The following RORA variants were observed in gnomAD, a reference collection of about 807,000 sequenced individuals.
The protein encoded by RORA is RAR related orphan receptor A, also known as nuclear receptor ROR-alpha.
A neutral mutation model predicts 69.5 loss-of-function variants in RORA; 7 were observed. The observed-to-expected ratio is 0.10, with a 90% CI of 0.06 to 0.19. The LOEUF (loss-of-function observed/expected upper bound fraction) is 0.19. Ranked by LOEUF, RORA falls within the 10% of genes least tolerant of loss-of-function variation. RORA has a pLI of 1.00. For missense variants in RORA, 457 were observed against 663.0 expected (o/e 0.69, Z 3.41); for synonymous variants, 261 against 240.8 (o/e 1.08, Z -0.78).
At chr15:60,678,288 CA>C (rs1201627114) in intron 2 of RORA, 1 of 166,498 alleles carries the variant, frequency 6.0e-6, no homozygotes, top group African/African-American at 2.4e-5. Context: ...AAAAGGAGAC[CA>C]AAGCTTAAAA....
intron 1 of RORA, among the ~76,000 whole-genome samples, chr15:60,938,794 T>C (rs1307815409): frequency 6.6e-6 from 1 of 152,214 alleles, no homozygotes; most frequent in Non-Finnish European, 1.5e-5. Context: ...TTTAGAACAT[T>C]AATACAAATC....
At chr15:60,589,328 CCGGA>C (rs1349267516) in intron 2 of RORA, among the ~76,000 whole-genome samples, 1 of 152,190 alleles carries the variant, frequency 6.6e-6, no homozygotes, top group Non-Finnish European at 1.5e-5. Context: ...ATGAATCAGG[CCGGA>C]CGAAGAATCT....
chr15:60,683,167 T>C (rs963953518), intron 1 of RORA, among the ~76,000 whole-genome samples: 5 of 152,122 alleles, frequency 3.3e-5, no homozygotes, highest in African/African-American at 1.2e-4. Flanking sequence ...TGTGGCACCA[T>C]GCCCAGAGAA....
At chr15:60,689,119 A>G (rs1444757700) in intron 1 of RORA, among the ~76,000 whole-genome samples, 5 of 152,238 alleles carry the variant, frequency 3.3e-5, no homozygotes, top group Non-Finnish European at 5.9e-5. Flanking sequence ...GAGGCAAGCT[A>G]CTTAGCTTGA....
intron 2 of RORA, among the ~76,000 whole-genome samples, chr15:60,590,170 CCTCTAT>C (rs377230278): frequency 0.021 from 2,132 of 101,564 alleles, 52 homozygotes; most frequent in African/African-American, 0.1. Flanking sequence ...TCTCCCTCTT[CCTCTAT>C]CTCTCTCTCT....
chr15:61,033,118 G>A (rs928023590), intron 1 of RORA, among the ~76,000 whole-genome samples: 9 of 152,228 alleles, frequency 5.9e-5, no homozygotes, highest in East Asian at 5.8e-4. Flanking sequence ...AAAAGTCCAC[G>A]CTCTCTTGGC....
At chr15:60,509,776 T>G (rs993940510) in intron 5 of RORA, among the ~76,000 whole-genome samples, 1 of 136,244 alleles carries the variant, frequency 7.3e-6, no homozygotes, top group African/African-American at 2.6e-5. Context: ...AAATGGAAGG[T>G]TTTTGTTCTA....
At chr15:60,656,207 C>G (rs1181884372) in intron 2 of RORA, among the ~76,000 whole-genome samples, 1 of 152,176 alleles carries the variant, frequency 6.6e-6, no homozygotes, top group African/African-American at 2.4e-5. Flanking sequence ...TTCGCAGATA[C>G]GGAAACCAGG....
chr15:61,178,220 G>C (rs2079649457), intron 1 of RORA, among the ~76,000 whole-genome samples: 1 of 152,078 alleles, frequency 6.6e-6, no homozygotes, highest in South Asian at 2.1e-4. Context: ...TTATTACTTT[G>C]AAAGCTAGCT....
intron 1 of RORA, among the ~76,000 whole-genome samples, chr15:60,808,060 CAAAGAT>C (rs1595730515): frequency 6.6e-6 from 1 of 152,092 alleles, no homozygotes. Context: ...GCAACAAAAA[CAAAGAT>C]AAATAGACGG....
chr15:60,830,591 T>C (rs1336192035), intron 1 of RORA, among the ~76,000 whole-genome samples: 2 of 152,248 alleles, frequency 1.3e-5, no homozygotes, highest in Non-Finnish European at 2.9e-5. Context: ...TGTAACTGTC[T>C]TAGTGGCTGA....
intron 1 of RORA, among the ~76,000 whole-genome samples, chr15:61,207,903 G>GAA (rs2079956398): frequency 1.3e-5 from 2 of 152,204 alleles, no homozygotes; most frequent in South Asian, 4.1e-4. Flanking sequence ...ACATAGCAAG[G>GAA]AAAAGTACCT....
At chr15:60,869,705 G>T (rs545761479) in intron 1 of RORA, among the ~76,000 whole-genome samples, 1 of 152,152 alleles carries the variant, frequency 6.6e-6, no homozygotes, top group African/African-American at 2.4e-5. Flanking sequence ...TTCTAGGATC[G>T]AAAAATGCAT....
rs142752865 is a variant in RORA at position 60,775,537 on chromosome 15, C to T, written c.167-96851G>A. The stretch of plus-strand genomic sequence containing the variant: ...AAATTTAGTTCTGATAAAAATCCTT[C>T]TTGGATATTTCTGGTCTAAGCTTTA... On this transcript the variant is annotated intron_variant, in intron 1 of 10. Transcript: ENST00000335670. Among the ~76,000 whole-genome samples the T allele has an allele frequency of 8.9e-3, 1,353 of 152,282 alleles. 23 individuals carry two copies. Among genetic ancestry groups the T allele is most frequent in the African/African-American group, 0.032 (1,312 of 41,552 alleles).
chr15:60,980,140 T>A (rs1166243956), intron 1 of RORA, among the ~76,000 whole-genome samples: 3 of 152,180 alleles, frequency 2.0e-5, no homozygotes, highest in Non-Finnish European at 2.9e-5. Flanking sequence ...GATGATCACA[T>A]GGGTTTTCCC....
intron 3 of RORA, among the ~76,000 whole-genome samples, chr15:60,524,418 A>G (rs530183157): frequency 6.6e-6 from 1 of 152,278 alleles, no homozygotes; most frequent in Non-Finnish European, 1.5e-5. Flanking sequence ...GCTCTTCTCA[A>G]AGTCATAGAA....
chr15:60,959,270 A>T (rs1313773282), intron 1 of RORA, among the ~76,000 whole-genome samples: 1 of 152,186 alleles, frequency 6.6e-6, no homozygotes, highest in East Asian at 1.9e-4. Flanking sequence ...ACCCAAAGAG[A>T]TCTAACAAAA....
At chr15:61,025,527 C>T (rs560465284) in intron 1 of RORA, among the ~76,000 whole-genome samples, 73 of 152,270 alleles carry the variant, frequency 4.8e-4, no homozygotes, top group African/African-American at 1.7e-3. Context: ...GATGAAAATG[C>T]GACTCAGACA....
intron 1 of RORA, among the ~76,000 whole-genome samples, chr15:60,751,259 A>G (rs572888100): frequency 2.6e-5 from 4 of 152,290 alleles, no homozygotes; most frequent in African/African-American, 9.6e-5. Flanking sequence ...GTTGTCATGT[A>G]TTGATTACTT....
Sources: gnomAD v4.1 joint callset for allele counts (sites outside exome capture counted in the v4.1 genomes callset) on GRCh38, gnomAD v4.1.1 for gene constraint, MANE v1.5 for transcripts, NCBI Gene and HGNC (gene_info 2026-07-23, HGNC 2026-07-21) for gene names.